Variants in SERPINA12 observed in about 807,000 individuals in gnomAD.
SERPINA12 encodes serpin A12.
Under a neutral mutation model 25.9 loss-of-function variants are expected in SERPINA12, and 21 were observed. The ratio of observed to expected loss-of-function variants is 0.81; its 90% CI spans 0.58 to 1.17. SERPINA12 has a LOEUF of 1.17. SERPINA12 is among the 50% of genes most tolerant of loss of function. The probability of loss-of-function intolerance (pLI) is 0.00; values close to 1 mark genes in which losing one functional copy is unlikely to be tolerated. For missense variants in SERPINA12, 562 were observed against 508.3 expected, an observed-to-expected ratio of 1.11 and a Z score of -1.02; for synonymous variants, 220 against 196.0, an observed-to-expected ratio of 1.12 and a Z score of -1.02.
At chr14:94,514,253 G>A (rs1434134764), upstream of SERPINA12, among the ~76,000 whole-genome samples, 1 of 152,202 alleles carries the variant, frequency 6.6e-6, no homozygotes, top group Non-Finnish European at 1.5e-5. Context: ...GACAGAGACG[G>A]TTGTTTTTGG....
At chr14:94,508,599 C>T (rs1901014501) in intron 1 of SERPINA12, among the ~76,000 whole-genome samples, 1 of 152,124 alleles carries the variant, frequency 6.6e-6, no homozygotes, top group Non-Finnish European at 1.5e-5. Context: ...GTGTGATACA[C>T]AAGCCAGAAA....
rs563016157 is a variant in SERPINA12, at chr14:94,490,409, G to A, written c.906-642C>T. On this transcript the variant is annotated intron_variant, in intron 3 of 4. Coordinates refer to ENST00000677451, the MANE Select transcript of SERPINA12 (RefSeq NM_001382267.1). ...GATCAGCCTCCTGCCCGGAGCCTGG[G>A]GCCCAGGCTCTCCTGAGGTACCTGC... 1.4e-3 allele frequency among the ~76,000 whole-genome samples: 212 copies of A among 152,006 alleles called. 1 individual carries two copies. The highest frequency in any genetic ancestry group is 2.2e-3 in the Admixed American group (33 of 15,282).
At chr14:94,492,279 A>G (rs1368048821) in intron 3 of SERPINA12, among the ~76,000 whole-genome samples, 1 of 152,208 alleles carries the variant, frequency 6.6e-6, no homozygotes, top group Admixed American at 6.5e-5. Flanking sequence ...GGCTGTGAAC[A>G]GAGGCAACTG....
Position 94,487,454 on chromosome 14 carries a change from G to A in SERPINA12, c.1094C>T (p.Thr365Met), listed in dbSNP as rs772567326. ...KAELKMDERG[T>M]EGAAGTGAQT... The stretch of plus-strand genomic sequence containing the variant: ...TGCTCCGGTGCCAGCGGCCCCTTCC[G>A]TACCCCTCTCATCCATCTTCAGCTC... Residue 365 changes from threonine to methionine, a missense_variant, in exon 5 of 5, where the codon ACG becomes ATG. Transcript: ENST00000677451. 8 of 1,613,896 alleles carry A rather than the reference G, an allele frequency of 5.0e-6. No homozygotes were observed. The highest frequency in any genetic ancestry group is 2.2e-5 in the East Asian group (1 of 44,854).
chr14:94,490,930 G>A (rs139480533), intron 3 of SERPINA12, among the ~76,000 whole-genome samples: 190 of 152,060 alleles, frequency 1.2e-3, no homozygotes, highest in Non-Finnish European at 2.3e-3. Flanking sequence ...CATCTCTACC[G>A]GTGACACTGC....
rs746584390 is a variant in SERPINA12, at chr14:94,496,592, A to G, written c.686T>C (p.Phe229Ser). ...CTTGACTGAACTGTTTTTCTCCAGAAAGAAATCTTCCTCTTTAGTTACATT... is the reference window on the plus strand; with the variant it reads ...CTTGACTGAACTGTTTTTCTCCAGAGAGAAATCTTCCTCTTTAGTTACATT... ...DPNVTKEEDF[F>S]LEKNSSVKVP... is the part of the protein sequence containing the mutation. Residue 229 changes from phenylalanine to serine, a missense_variant, in exon 3 of 5, where the codon TTT becomes TCT. Physicochemically the swap from Phe to Ser is radical, Grantham distance 155. Coordinates refer to ENST00000677451, the MANE Select transcript of SERPINA12 (RefSeq NM_001382267.1). 6 of 1,613,952 alleles carry G rather than the reference A, an allele frequency of 3.7e-6. No homozygotes were observed. The highest frequency in any genetic ancestry group is 5.1e-6 in the Non-Finnish European group (6 of 1,179,940).
At chr14:94,496,268 T>C (rs925914363) in intron 3 of SERPINA12, 105 bp downstream of exon 3, 22 of 1,089,644 alleles carry the variant, frequency 2.0e-5, no homozygotes, top group Non-Finnish European at 3.0e-5. Context: ...AAGTTTATTA[T>C]AGAGCCCAGA....
chr14:94,491,565 G>A (rs1335409095), intron 3 of SERPINA12, among the ~76,000 whole-genome samples: 1 of 152,118 alleles, frequency 6.6e-6, no homozygotes, highest in Non-Finnish European at 1.5e-5. Flanking sequence ...TAGTGTGGTA[G>A]TCACATGTTG....
intron 1 of SERPINA12, among the ~76,000 whole-genome samples, chr14:94,499,687 G>A (rs1453658857): frequency 3.3e-5 from 5 of 152,198 alleles, no homozygotes; most frequent in Admixed American, 6.5e-5. Context: ...CAGAACCTGA[G>A]ATGGGGATTT....
At chr14:94,493,199 AC>A (rs1383242627) in intron 3 of SERPINA12, among the ~76,000 whole-genome samples, 1 of 152,146 alleles carries the variant, frequency 6.6e-6, no homozygotes, top group Non-Finnish European at 1.5e-5. Context: ...AAGCAACTTG[AC>A]CACTTATCTC....
chr14:94,513,442 A>G (rs1429224256), upstream of SERPINA12, among the ~76,000 whole-genome samples: 1 of 152,240 alleles, frequency 6.6e-6, no homozygotes, highest in Non-Finnish European at 1.5e-5. Context: ...AGAGAATTCT[A>G]TGTAGAGACA....
At chr14:94,517,363 C>T (rs993759464) in intron 1 of SERPINA12, 1 of 152,300 alleles carries the variant, frequency 6.6e-6, no homozygotes, top group African/African-American at 2.4e-5. Context: ...GAGGTACCTC[C>T]TAGATTTCTG....
chr14:94,492,847 A>T (rs1900235036), intron 3 of SERPINA12, among the ~76,000 whole-genome samples: 1 of 152,114 alleles, frequency 6.6e-6, no homozygotes, highest in East Asian at 1.9e-4. Context: ...TCTGCTCCTA[A>T]AGGTGGACCC....
intron 4 of SERPINA12, among the ~76,000 whole-genome samples, chr14:94,489,173 AAG>A (rs144597832): frequency 5.2e-4 from 79 of 151,192 alleles, no homozygotes; most frequent in African/African-American, 1.6e-3. Context: ...GAAAGAAAAA[AAG>A]AGAGAGAGAG....
intron 1 of SERPINA12, among the ~76,000 whole-genome samples, chr14:94,507,826 A>G (rs1900985117): frequency 6.6e-6 from 1 of 152,186 alleles, no homozygotes; most frequent in African/African-American, 2.4e-5. Flanking sequence ...TGACCCATTC[A>G]TTGTACCTCA....
chr14:94,512,254 G>A (rs2139867003), upstream of SERPINA12, among the ~76,000 whole-genome samples: 1 of 152,318 alleles, frequency 6.6e-6, no homozygotes, highest in East Asian at 1.9e-4. Context: ...AGGGGGCATT[G>A]TGACATTGAG....
chr14:94,506,364 G>C (rs1247853974), intron 1 of SERPINA12, among the ~76,000 whole-genome samples: 1 of 152,138 alleles, frequency 6.6e-6, no homozygotes, highest in Non-Finnish European at 1.5e-5. Flanking sequence ...ACAGAACACA[G>C]AGATACAAGT....
intron 1 of SERPINA12, among the ~76,000 whole-genome samples, chr14:94,517,128 C>T (rs1339315566): frequency 6.6e-6 from 1 of 152,238 alleles, no homozygotes; most frequent in Non-Finnish European, 1.5e-5. Flanking sequence ...CCACAGCTCT[C>T]AGCATAAATG....
rs573518901 is a variant in SERPINA12, at chr14:94,493,492, G to A, written c.905+2881C>T. On this transcript the variant is annotated intron_variant, in intron 3 of 4. Coordinates refer to ENST00000677451, the MANE Select transcript of SERPINA12 (RefSeq NM_001382267.1). ...GGAAAGCAGTCCCAGAGGGATGGGG[G>A]AGGCAGACCAGGCACTAGAAAAATG... Among the ~76,000 whole-genome samples, 222 of 152,270 alleles carry A rather than the reference G, an allele frequency of 1.5e-3. 1 individual carries two copies. Among genetic ancestry groups the A allele is most frequent in the Non-Finnish European group, 3.1e-4 (21 of 68,020 alleles).
Sources: gnomAD v4.1 joint callset for allele counts (sites outside exome capture counted in the v4.1 genomes callset) on GRCh38, gnomAD v4.1.1 for gene constraint, MANE v1.5 for transcripts, NCBI Gene and HGNC (gene_info 2026-07-23, HGNC 2026-07-21) for gene names.